OR5D18: variants seen among roughly 807,000 people sequenced by gnomAD.
OR5D18 encodes the protein olfactory receptor family 5 subfamily D member 18, also known as olfactory receptor 5D18.
For synonymous variants in OR5D18, 158 were observed against 152.5 expected (o/e 1.04, Z -0.27); for missense variants, 394 against 367.3 (o/e 1.07, Z -0.59).
At position 55,819,993 on chromosome 11, in the gene OR5D18, G is replaced by C; in HGVS notation, c.364G>C (p.Asp122His). ...CTTTTTATTAGCTGTGATGGCCTATGACCGCTTCGTGGCCATTTGCAACCC... is the reference window on the plus strand; with the variant it reads ...CTTTTTATTAGCTGTGATGGCCTATCACCGCTTCGTGGCCATTTGCAACCC... ...ESFLLAVMAYDRFVAICNPLL... is the reference protein window; with the variant it reads ...ESFLLAVMAYHRFVAICNPLL... The change falls in exon 1 of 1, where the codon GAC becomes CAC. Residue 122 changes from aspartate to histidine, a missense_variant. Transcript: ENST00000333976. 2.5e-6 allele frequency: 4 copies of C among 1,613,808 alleles called. No individual in the cohort carries two copies. Among genetic ancestry groups the C allele is most frequent in the Non-Finnish European group, 3.4e-6 (4 of 1,179,948 alleles).
At position 55,820,055 on chromosome 11, in the gene OR5D18, C is replaced by G; in HGVS notation, c.426C>G (p.Cys142Trp). The change falls in exon 1 of 1, where the codon TGC becomes TGG. Residue 142 changes from cysteine to tryptophan, a missense_variant. Coordinates refer to ENST00000333976, the MANE Select transcript of OR5D18 (RefSeq NM_001001952.1). Reference sequence around the variant, plus strand: ...CAGTTAACATGTCCCAGAAACTCTGCGTGCTGCTGGTTGTGGGATCCTATG... The same window carrying G: ...CAGTTAACATGTCCCAGAAACTCTGGGTGCTGCTGGTTGTGGGATCCTATG... ...LYTVNMSQKLCVLLVVGSYAW... is the reference protein window; with the variant it reads ...LYTVNMSQKLWVLLVVGSYAW... The G allele has an allele frequency of 6.2e-7, 1 of 1,613,938 alleles. No individual in the cohort carries two copies. Among genetic ancestry groups the G allele is most frequent in the Non-Finnish European group, 8.5e-7 (1 of 1,179,996 alleles).
At position 55,820,261 on chromosome 11, in the gene OR5D18, C is replaced by T; in HGVS notation, c.632C>T (p.Thr211Ile). The T allele has an allele frequency of 6.2e-7, 1 of 1,613,994 alleles. No homozygotes were observed. Residue 211 changes from threonine to isoleucine, a missense_variant, in exon 1 of 1, where the codon ACA becomes ATA. Physicochemically the swap from Thr to Ile is moderately conservative, Grantham distance 89 (BLOSUM62 -1). Transcript: ENST00000333976. ...CTTGCCACCTTTAATGAAATCAGCACACTACTCATCGTTCTCACATCTTAT... is the reference window on the plus strand; with the variant it reads ...CTTGCCACCTTTAATGAAATCAGCATACTACTCATCGTTCTCACATCTTAT... ...FFLATFNEIS[T>I]LLIVLTSYAF...
Position 55,819,919 on chromosome 11 carries a change from G to C in OR5D18, c.290G>C (p.Gly97Ala). 6.2e-7 allele frequency: 1 copy of C among 1,613,994 alleles called. No individual in the cohort carries two copies. Among genetic ancestry groups the C allele is most frequent in the Non-Finnish European group, 8.5e-7 (1 of 1,180,036 alleles). Residue 97 changes from glycine to alanine, a missense_variant, in exon 1 of 1, where the codon GGA (glycine) becomes GCA (alanine). Physicochemically the swap from Gly to Ala is moderately conservative, Grantham distance 60. Transcript: ENST00000333976. The part of the protein sequence containing the change: ...VVKDRTISFL[G>A]CVVQFFFFCT... ...AAAGACAGAACCATTTCATTTTTAGGATGCGTAGTACAATTCTTTTTCTTC... is the reference window on the plus strand; with the variant it reads ...AAAGACAGAACCATTTCATTTTTAGCATGCGTAGTACAATTCTTTTTCTTC...
rs1407039326 is a variant in OR5D18 at position 55,819,802 on chromosome 11, C to A, written c.173C>A (p.Thr58Asn). Residue 58 changes from threonine to asparagine, a missense_variant, in exon 1 of 1, where the codon ACC (threonine) becomes AAC (asparagine). Physicochemically the swap from Thr to Asn is moderately conservative, Grantham distance 65 (BLOSUM62 0). Transcript: ENST00000333976. ...VIIKINPKLH[T>N]PMYFFLSQLS... is the part of the protein sequence containing the mutation. The stretch of plus-strand genomic sequence containing the variant: ...ATCAAAATCAACCCCAAACTGCATA[C>A]CCCCATGTACTTTTTCCTCAGCCAA... The A allele has an allele frequency of 2.5e-6, 4 of 1,613,804 alleles. No individual in the cohort carries two copies. Among genetic ancestry groups the A allele is most frequent in the Non-Finnish European group, 3.4e-6 (4 of 1,179,864 alleles).
rs1467945803 is a variant in OR5D18, at chr11:55,820,383, T to C, written c.754T>C (p.Phe252Leu). The change falls in exon 1 of 1, where the codon TTC becomes CTC. Residue 252 changes from phenylalanine (F) to leucine (L), a missense_variant. Physicochemically the swap from Phe to Leu is conservative, Grantham distance 22. Transcript: ENST00000333976. Reference sequence around the variant, plus strand: ...CTCCCACCTGACTGCCATCACCATCTTCCATGGCACCATCCTCTTCCTTTA... The same window carrying C: ...CTCCCACCTGACTGCCATCACCATCCTCCATGGCACCATCCTCTTCCTTTA... The part of the protein sequence containing the change: ...CASHLTAITI[F>L]HGTILFLYCV... 4 of 1,613,910 alleles carry C rather than the reference T, an allele frequency of 2.5e-6. No individual in the cohort carries two copies. The highest frequency in any genetic ancestry group is 3.4e-6 in the Non-Finnish European group (4 of 1,180,046).
In OR5D18 at chr11:55,819,997, G is replaced by T. The variant is rs768748128; in HGVS notation, c.368G>T (p.Arg123Leu). The T allele has an allele frequency of 6.2e-7, 1 of 1,613,424 alleles. No homozygotes were observed. Among genetic ancestry groups the T allele is most frequent in the Non-Finnish European group, 8.5e-7 (1 of 1,179,858 alleles). ...SFLLAVMAYDRFVAICNPLLY... is the reference protein window; with the variant it reads ...SFLLAVMAYDLFVAICNPLLY... ...TTATTAGCTGTGATGGCCTATGACC[G>T]CTTCGTGGCCATTTGCAACCCTCTG... The change falls in exon 1 of 1, where the codon CGC becomes CTC. Residue 123 changes from arginine (R) to leucine (L), a missense_variant. Coordinates refer to ENST00000333976, the MANE Select transcript of OR5D18 (RefSeq NM_001001952.1).
In OR5D18 at chr11:55,820,253, A is replaced by G. The variant is rs1220761481; in HGVS notation, c.624A>G (p.Glu208=). 8 of 1,613,998 alleles carry G rather than the reference A, an allele frequency of 5.0e-6. No individual in the cohort carries two copies. The highest frequency in any genetic ancestry group is 3.3e-4 in the Middle Eastern group (2 of 6,062). The part of the protein sequence containing the change: ...WLLFFLATFN[E]ISTLLIVLTS... ...TATTCTTTCTTGCCACCTTTAATGA[A>G]ATCAGCACACTACTCATCGTTCTCA... Residue 208 remains glutamate, a synonymous_variant, in exon 1 of 1, where the codon GAA becomes GAG. Transcript: ENST00000333976.
In OR5D18 at chr11:55,820,371, G is replaced by T; in HGVS notation, c.742G>T (p.Ala248Ser). The T allele has an allele frequency of 6.2e-7, 1 of 1,613,898 alleles. No individual in the cohort carries two copies. Among genetic ancestry groups the T allele is most frequent in the Non-Finnish European group, 8.5e-7 (1 of 1,180,012 alleles). ...AFSTCASHLT[A>S]ITIFHGTILF... ...CTCCACCTGTGCCTCCCACCTGACTGCCATCACCATCTTCCATGGCACCAT... is the reference window on the plus strand; with the variant it reads ...CTCCACCTGTGCCTCCCACCTGACTTCCATCACCATCTTCCATGGCACCAT... The change falls in exon 1 of 1, where the codon GCC (alanine) becomes TCC (serine). Residue 248 changes from alanine (A) to serine (S), a missense_variant. By Grantham distance (99) the Ala-to-Ser change is moderately conservative (BLOSUM62 1). Coordinates refer to ENST00000333976, the MANE Select transcript of OR5D18 (RefSeq NM_001001952.1).
In OR5D18 at chr11:55,819,695, A is replaced by G; in HGVS notation, c.66A>G (p.Pro22=). The change falls in exon 1 of 1, where the codon CCA becomes CCG. Residue 22 remains proline (P), a synonymous_variant. Coordinates refer to ENST00000333976, the MANE Select transcript of OR5D18 (RefSeq NM_001001952.1). ...CCCTCTTGGGCTTCTCAGATTACCC[A>G]GAACTGCAAGTCCCACTCTTCCTGG... ...TFTLLGFSDY[P]ELQVPLFLVF... 3.1e-6 allele frequency: 5 copies of G among 1,613,814 alleles called. No individual in the cohort carries two copies. The South Asian group carries it at 4.4e-5, about 14-fold the overall frequency.
chr11:55,819,959 C>G lies in OR5D18; in HGVS notation c.330C>G (p.Val110=). 1 of 1,613,866 alleles carries G rather than the reference C, an allele frequency of 6.2e-7. No individual in the cohort carries two copies. The highest frequency in any genetic ancestry group is 2.2e-5 in the East Asian group (1 of 44,872). ...TCTTTTTCTTCTGTACCTTTGTGGTCACTGAATCCTTTTTATTAGCTGTGA... is the reference window on the plus strand; with the variant it reads ...TCTTTTTCTTCTGTACCTTTGTGGTGACTGAATCCTTTTTATTAGCTGTGA... ...VQFFFFCTFV[V]TESFLLAVMA... Residue 110 remains valine, a synonymous_variant, in exon 1 of 1, where the codon GTC becomes GTG. Coordinates refer to ENST00000333976, the MANE Select transcript of OR5D18 (RefSeq NM_001001952.1).
In OR5D18 at chr11:55,819,665, G is replaced by A. The variant is rs770192032; in HGVS notation, c.36G>A (p.Thr12=). 2 of 1,610,688 alleles carry A rather than the reference G, an allele frequency of 1.2e-6. No homozygotes were observed. The highest frequency in any genetic ancestry group is 1.3e-5 in the African/African-American group (1 of 74,716). The change falls in exon 1 of 1, where the codon ACG becomes ACA. Residue 12 remains threonine (T), a synonymous_variant. Transcript: ENST00000333976. The part of the protein sequence containing the change: ...LLTDRNTSGT[T]FTLLGFSDYP... The stretch of plus-strand genomic sequence containing the variant: ...CTGATAGAAATACAAGTGGGACCAC[G>A]TTCACCCTCTTGGGCTTCTCAGATT...
In OR5D18 at chr11:55,820,503, A is replaced by T. The variant is rs1448826881; in HGVS notation, c.874A>T (p.Ser292Cys). 1 of 1,613,772 alleles carries T rather than the reference A, an allele frequency of 6.2e-7. No homozygotes were observed. Among genetic ancestry groups the T allele is most frequent in the Admixed American group, 1.7e-5 (1 of 59,972 alleles). Residue 292 changes from serine (S) to cysteine (C), a missense_variant, in exon 1 of 1, where the codon AGT becomes TGT. Ser to Cys is a moderately radical substitution (Grantham distance 112). Transcript: ENST00000333976. ...VIPMLNPLIY[S>C]LRNKDVKDTV... ...CCCCATGTTGAATCCCCTGATCTACAGTCTGAGAAATAAAGATGTCAAGGA... is the reference window on the plus strand; with the variant it reads ...CCCCATGTTGAATCCCCTGATCTACTGTCTGAGAAATAAAGATGTCAAGGA...
chr11:55,820,115 C>T lies in OR5D18; in HGVS notation c.486C>T (p.Cys162=), dbSNP rs142792552. 4.4e-4 allele frequency: 712 copies of T among 1,613,874 alleles called. 16 individuals are homozygous for T. In the African/African-American group the frequency reaches 8.8e-3, roughly 20 times the overall value. Residue 162 remains cysteine (C), a synonymous_variant, in exon 1 of 1, where the codon TGC becomes TGT. Transcript: ENST00000333976. ...TCTCATGTTCCTTGGAACTGACGTG[C>T]TCTGCTTTAAAGTTATGTTTTCATG... ...WGVSCSLELT[C]SALKLCFHGF...
Position 55,820,454 on chromosome 11 carries a change from C to A in OR5D18, c.825C>A (p.Ala275=). 6.2e-7 allele frequency: 1 copy of A among 1,613,752 alleles called. No individual in the cohort carries two copies. The highest frequency in any genetic ancestry group is 8.5e-7 in the Non-Finnish European group (1 of 1,179,996). Residue 275 remains alanine, a synonymous_variant, in exon 1 of 1, where the codon GCC becomes GCA. Coordinates refer to ENST00000333976, the MANE Select transcript of OR5D18 (RefSeq NM_001001952.1). The part of the protein sequence containing the change: ...SKNSRHTVKV[A]SVFYTVVIPM... ...ACTCCAGGCACACAGTCAAAGTGGC[C>A]TCTGTGTTTTACACCGTGGTGATCC...
In OR5D18 at chr11:55,819,919, G is replaced by A; in HGVS notation, c.290G>A (p.Gly97Glu). ...AAAGACAGAACCATTTCATTTTTAG[G>A]ATGCGTAGTACAATTCTTTTTCTTC... Reference protein sequence around the residue: ...VVKDRTISFLGCVVQFFFFCT... With the variant: ...VVKDRTISFLECVVQFFFFCT... The change falls in exon 1 of 1, where the codon GGA becomes GAA. Residue 97 changes from glycine to glutamate, a missense_variant. Coordinates refer to ENST00000333976, the MANE Select transcript of OR5D18 (RefSeq NM_001001952.1). 1.9e-6 allele frequency: 3 copies of A among 1,613,994 alleles called. No individual in the cohort carries two copies. Among genetic ancestry groups the A allele is most frequent in the Admixed American group, 1.7e-5 (1 of 60,012 alleles).
rs764425839 is a variant in OR5D18, at chr11:55,819,827, A to G, written c.198A>G (p.Gln66=). ...LHTPMYFFLS[Q]LSFVDFCYSS... ...CCCCCATGTACTTTTTCCTCAGCCAACTCTCCTTTGTGGATTTCTGCTATT... is the reference window on the plus strand; with the variant it reads ...CCCCCATGTACTTTTTCCTCAGCCAGCTCTCCTTTGTGGATTTCTGCTATT... Residue 66 remains glutamine, a synonymous_variant, in exon 1 of 1, where the codon CAA becomes CAG. Transcript: ENST00000333976. The G allele has an allele frequency of 1.9e-6, 3 of 1,613,734 alleles. No homozygotes were observed. The highest frequency in any genetic ancestry group is 2.5e-6 in the Non-Finnish European group (3 of 1,179,938).
In OR5D18 at chr11:55,820,233, T is replaced by C; in HGVS notation, c.604T>C (p.Phe202Leu). The C allele has an allele frequency of 1.2e-6, 2 of 1,613,944 alleles. No individual in the cohort carries two copies. The highest frequency in any genetic ancestry group is 4.5e-5 in the East Asian group (2 of 44,886). Reference sequence around the variant, plus strand: ...TTACATCAACCAGTGGCTGCTATTCTTTCTTGCCACCTTTAATGAAATCAG... The same window carrying C: ...TTACATCAACCAGTGGCTGCTATTCCTTCTTGCCACCTTTAATGAAATCAG... Reference protein sequence around the residue: ...DTYINQWLLFFLATFNEISTL... With the variant: ...DTYINQWLLFLLATFNEISTL... The change falls in exon 1 of 1, where the codon TTT (phenylalanine) becomes CTT (leucine). Residue 202 changes from phenylalanine to leucine, a missense_variant. Physicochemically the swap from Phe to Leu is conservative, Grantham distance 22 (BLOSUM62 0). Transcript: ENST00000333976.
Position 55,819,889 on chromosome 11 carries a change from T to C in OR5D18, c.260T>C (p.Val87Ala), listed in dbSNP as rs1252706870. Residue 87 changes from valine to alanine, a missense_variant, in exon 1 of 1, where the codon GTT (valine) becomes GCT (alanine). Val to Ala is a moderately conservative substitution (Grantham distance 64). Coordinates refer to ENST00000333976, the MANE Select transcript of OR5D18 (RefSeq NM_001001952.1). ...GCTCCCAAGATGTTGGTGAACCTTGTTGTCAAAGACAGAACCATTTCATTT... is the reference window on the plus strand; with the variant it reads ...GCTCCCAAGATGTTGGTGAACCTTGCTGTCAAAGACAGAACCATTTCATTT... ...IIAPKMLVNL[V>A]VKDRTISFLG... is the part of the protein sequence containing the mutation. The C allele has an allele frequency of 1.2e-6, 2 of 1,614,092 alleles. No individual in the cohort carries two copies. Among genetic ancestry groups the C allele is most frequent in the East Asian group, 2.2e-5 (1 of 44,882 alleles).
At position 55,820,424 on chromosome 11, in the gene OR5D18, CA is replaced by C. The variant is rs1853820809; in HGVS notation, c.800del (p.Asn267ThrfsTer16). ...ILFLYCVPNS[K>X]NSRHTVKVAS... is the part of the protein sequence containing the mutation. The stretch of plus-strand genomic sequence containing the variant: ...TCTTCCTTTACTGTGTGCCCAACTC[CA>C]AAAACTCCAGGCACACAGTCAAAGT... On this transcript the variant is annotated frameshift_variant, in exon 1 of 1. Transcript: ENST00000333976. LOFTEE classifies it low-confidence loss of function (END_TRUNC). 2.5e-6 allele frequency: 4 copies of C among 1,613,820 alleles called. No homozygotes were observed. The highest frequency in any genetic ancestry group is 3.4e-6 in the Non-Finnish European group (4 of 1,180,008).
Sources: gnomAD v4.1 joint callset for allele counts on GRCh38, gnomAD v4.1.1 for gene constraint, MANE v1.5 for transcripts, NCBI Gene and HGNC (gene_info 2026-07-23, HGNC 2026-07-21) for gene names.